Variants in RUFY2 observed in about 807,000 individuals in gnomAD.
The protein encoded by RUFY2 is RUN and FYVE domain-containing protein 2.
In RUFY2, 49 loss-of-function variants were observed where a neutral mutation model predicts 94.4. The ratio of observed to expected loss-of-function variants is 0.52; its 90% CI spans 0.41 to 0.66. RUFY2 has a LOEUF of 0.66. Among genes scored for constraint, RUFY2 ranks in the 30% least tolerant of loss-of-function variants. The pLI is 0.00. For missense variants in RUFY2, 541 were observed against 692.8 expected (o/e 0.78, Z 2.46); for synonymous variants, 255 against 235.7 (o/e 1.08, Z -0.75).
chr10:68,363,080 T>TG (rs752582328), intron 15 of RUFY2, among the ~76,000 whole-genome samples: 34 of 152,254 alleles, frequency 2.2e-4, no homozygotes, highest in Non-Finnish European at 2.9e-4. Context: ...TTTCATCTAC[T>TG]GGGAAATATT....
At chr10:68,382,050 CTTTT>C (rs1195609174) in intron 10 of RUFY2, among the ~76,000 whole-genome samples, 4 of 139,142 alleles carry the variant, frequency 2.9e-5, no homozygotes, top group African/African-American at 2.6e-5. Context: ...GTTTAATTTC[CTTTT>C]TTTTTTTTTT....
At chr10:68,364,506 A>C (rs1000986682) in intron 13 of RUFY2, among the ~76,000 whole-genome samples, 3 of 152,176 alleles carry the variant, frequency 2.0e-5, no homozygotes, top group Non-Finnish European at 4.4e-5. Flanking sequence ...CATGTGAAAA[A>C]TTTTACAACA....
In RUFY2 at chr10:68,407,246, CT is replaced by C; in HGVS notation, c.-58del. 1 of 1,284,850 alleles carries C rather than the reference CT, an allele frequency of 7.8e-7. No homozygotes were observed. The highest frequency in any genetic ancestry group is 9.9e-7 in the Non-Finnish European group (1 of 1,013,426). The allele number at this position is 1,284,850 out of a possible 1,614,324, so 79.6% of individuals were successfully genotyped here. On this transcript the variant is annotated 5_prime_UTR_variant, in exon 1 of 18. Transcript: ENST00000602465. ...GCTCCCTCGGCCTGTCCAGCAGCTC[CT>C]TCCAGGCGCTCGGCGGCCACCACCG... is the stretch of plus-strand genomic sequence containing the variant.
At chr10:68,374,905 C>G (rs915598747) in intron 13 of RUFY2, among the ~76,000 whole-genome samples, 13 of 152,108 alleles carry the variant, frequency 8.5e-5, no homozygotes, top group Non-Finnish European at 1.3e-4. Context: ...CTGAAATAAC[C>G]ACTCCCCAGA....
chr10:68,393,853 A>AAC, intron 6 of RUFY2: 1 of 944,896 alleles, frequency 1.1e-6, no homozygotes. Context: ...CTACAGGTAT[A>AAC]ACCAAAGGTC....
At chr10:68,387,810 C>CTGGCCA (rs1564834266) in intron 7 of RUFY2, among the ~76,000 whole-genome samples, 1 of 152,040 alleles carries the variant, frequency 6.6e-6, no homozygotes, top group African/African-American at 2.4e-5. Flanking sequence ...CAAAATCAGC[C>CTGGCCA]TGGCCAACAT....
chr10:68,381,032 A>G (rs2049025692), intron 11 of RUFY2, among the ~76,000 whole-genome samples, 200 bp downstream of exon 11: 1 of 152,206 alleles, frequency 6.6e-6, no homozygotes, highest in African/African-American at 2.4e-5. Context: ...TTTCAACATT[A>G]AAAATTTAGA....
chr10:68,356,038 C>T (rs1021191553), intron 15 of RUFY2, among the ~76,000 whole-genome samples: 4 of 151,882 alleles, frequency 2.6e-5, no homozygotes, highest in African/African-American at 7.3e-5. Flanking sequence ...GTAATCTACA[C>T]AAAAACCTAT....
Position 68,383,878 on chromosome 10 carries a change from A to G in RUFY2, c.859T>C (p.Tyr287His). Residue 287 changes from tyrosine (Y) to histidine (H), a missense_variant, in exon 10 of 18, where the codon TAT (tyrosine) becomes CAT (histidine). Physicochemically the swap from Tyr to His is moderately conservative, Grantham distance 83. Transcript: ENST00000602465. ...TCTAGCCCCTGACGAGAATGCTTAT[A>G]TGTTTGAAGCTCAGTTTCCACATCT... Reference protein sequence around the residue: ...KVDVETELQTYKHSRQGLDEM... With the variant: ...KVDVETELQTHKHSRQGLDEM... 2 of 1,613,928 alleles carry G rather than the reference A, an allele frequency of 1.2e-6. No homozygotes were observed. Among genetic ancestry groups the G allele is most frequent in the Admixed American group, 1.7e-5 (1 of 59,994 alleles).
At chr10:68,374,460 A>C (rs1054958817) in intron 13 of RUFY2, among the ~76,000 whole-genome samples, 6 of 152,230 alleles carry the variant, frequency 3.9e-5, no homozygotes, top group African/African-American at 1.4e-4. Flanking sequence ...TCAACCTACC[A>C]AGAAGACATA....
chr10:68,377,045 TA>T (rs2048727763), intron 12 of RUFY2, 73 bp from the exon 13 acceptor site: 1 of 1,560,010 alleles, frequency 6.4e-7, no homozygotes, highest in Non-Finnish European at 8.6e-7. Flanking sequence ...AGAAGACAAA[TA>T]AAAGAAAAAT....
chr10:68,359,392 G>A (rs1000228767), intron 15 of RUFY2, among the ~76,000 whole-genome samples: 2 of 144,198 alleles, frequency 1.4e-5, no homozygotes, highest in South Asian at 2.1e-4. Flanking sequence ...GTATATATAC[G>A]TATATATACA....
chr10:68,393,255 C>A (rs2050137575), intron 6 of RUFY2, 52 bp from the exon 7 acceptor site: 8 of 918,758 alleles, frequency 8.7e-6, no homozygotes, highest in Middle Eastern at 2.8e-4. Context: ...ATTTATTAAG[C>A]ACAAAAAAAT....
chr10:68,368,219 A>T (rs1174745709), intron 13 of RUFY2, among the ~76,000 whole-genome samples: 1 of 151,506 alleles, frequency 6.6e-6, no homozygotes, highest in African/African-American at 2.4e-5. Flanking sequence ...CGCCTGCCTC[A>T]GCCTCCCAAA....
intron 7 of RUFY2, among the ~76,000 whole-genome samples, chr10:68,386,945 G>A (rs1318297003): frequency 6.6e-6 from 1 of 152,120 alleles, no homozygotes; most frequent in African/African-American, 2.4e-5. Flanking sequence ...TAGTATCAAG[G>A]ATCTGGCAGC....
intron 11 of RUFY2, among the ~76,000 whole-genome samples, chr10:68,379,783 T>C (rs1248970493): frequency 2.0e-5 from 3 of 151,976 alleles, no homozygotes; most frequent in Non-Finnish European, 4.4e-5. Flanking sequence ...ATTAAAATAA[T>C]TGTGTGATAT....
chr10:68,351,508 G>A (rs1436823713), intron 16 of RUFY2, among the ~76,000 whole-genome samples: 1 of 148,044 alleles, frequency 6.8e-6, no homozygotes, highest in Non-Finnish European at 1.5e-5. Context: ...GGAGTGCAGT[G>A]GTGCAATCTC....
intron 16 of RUFY2, among the ~76,000 whole-genome samples, chr10:68,353,337 A>C (rs1196360471): frequency 1.3e-5 from 2 of 151,490 alleles, no homozygotes; most frequent in Non-Finnish European, 2.9e-5. Context: ...TCTCGAAAAA[A>C]AAAAAAAAAA....
chr10:68,389,697 G>A (rs2049833467), intron 7 of RUFY2, among the ~76,000 whole-genome samples: 1 of 152,152 alleles, frequency 6.6e-6, no homozygotes, highest in Non-Finnish European at 1.5e-5. Flanking sequence ...GGGAGGCCCA[G>A]GCGGGTGGAT....
Sources: allele counts gnomAD v4.1 joint callset (sites outside exome capture counted in the v4.1 genomes callset), GRCh38; gene constraint gnomAD v4.1.1; transcripts MANE v1.5; gene names NCBI Gene and HGNC (gene_info 2026-07-23, HGNC 2026-07-21).